Variants in ASCC1 observed in about 807,000 individuals in gnomAD.
ASCC1 encodes ASC-1 complex subunit P50.
In ASCC1, 35 loss-of-function variants were observed where a neutral mutation model predicts 46.6. The observed-to-expected ratio is 0.75, with a 90% confidence interval of 0.57 to 0.99. ASCC1 has a LOEUF of 0.99. ASCC1 is among the 50% of genes least tolerant of loss of function. The probability of loss-of-function intolerance (pLI) is 0.00; values close to 1 mark genes in which losing one functional copy is unlikely to be tolerated. For missense variants in ASCC1, 376 were observed against 428.7 expected, an observed-to-expected ratio of 0.88 and a Z score of 1.09; for synonymous variants, 143 against 146.6, an observed-to-expected ratio of 0.98 and a Z score of 0.18.
intron 7 of ASCC1, 116 bp downstream of exon 7, chr10:72,152,753 A>G: frequency 4.0e-6 from 5 of 1,237,816 alleles, no homozygotes; most frequent in Non-Finnish European, 5.7e-6. Context: ...AGAGAGAAAT[A>G]ATTAACATGT....
chr10:72,144,239 C>T (rs150197263), intron 7 of ASCC1, among the ~76,000 whole-genome samples: 4,947 of 152,028 alleles, frequency 0.033, 219 homozygotes, highest in East Asian at 0.096. Flanking sequence ...CCTCCCAAAG[C>T]GCTGGGATTA....
intron 9 of ASCC1, chr10:72,102,257 A>G: frequency 7.6e-7 from 1 of 1,323,228 alleles, no homozygotes; most frequent in Non-Finnish European, 1.1e-6. Flanking sequence ...CAGTAACAGA[A>G]CATTTTTGAA....
chr10:72,163,077 T>C (rs1849901069), intron 5 of ASCC1, among the ~76,000 whole-genome samples: 1 of 152,032 alleles, frequency 6.6e-6, no homozygotes, highest in Admixed American at 6.6e-5. Context: ...CACTATGAGG[T>C]ACCATTTCAC....
intron 9 of ASCC1, among the ~76,000 whole-genome samples, chr10:72,123,719 A>G (rs1045671453): frequency 5.9e-5 from 9 of 152,228 alleles, no homozygotes; most frequent in African/African-American, 2.2e-4. Context: ...ACTTCAAAAC[A>G]AAATATTCAT....
At chr10:72,161,822 T>A in intron 5 of ASCC1, 148 bp from the exon 6 acceptor site, 1 of 816,020 alleles carries the variant, frequency 1.2e-6, no homozygotes, top group Non-Finnish European at 2.0e-6. Flanking sequence ...GAAAGTCTCC[T>A]CAATAAATGA....
chr10:72,122,128 C>A (rs559108003), intron 9 of ASCC1, among the ~76,000 whole-genome samples: 1 of 152,246 alleles, frequency 6.6e-6, no homozygotes, highest in African/African-American at 2.4e-5. Context: ...GGAAATTAAA[C>A]CACACACTTC....
chr10:72,197,220 C>G (rs185520057), intron 4 of ASCC1, among the ~76,000 whole-genome samples: 1 of 152,016 alleles, frequency 6.6e-6, no homozygotes, highest in Admixed American at 6.6e-5. Flanking sequence ...TCCTGTAATC[C>G]CAGCACTTTG....
intron 5 of ASCC1, among the ~76,000 whole-genome samples, 157 bp downstream of exon 5, chr10:72,196,653 CT>C (rs1198106217): frequency 3.3e-5 from 5 of 151,274 alleles, no homozygotes; most frequent in African/African-American, 2.4e-5. Context: ...TGTCCATACA[CT>C]TTTTTTTTCA....
At chr10:72,190,308 G>A (rs903844457) in intron 5 of ASCC1, 2 of 853,134 alleles carry the variant, frequency 2.3e-6, no homozygotes, top group African/African-American at 3.3e-5. Context: ...TTAGATCTAT[G>A]ACTTAAATAT....
chr10:72,196,609 A>T (rs1053777803), intron 5 of ASCC1, among the ~76,000 whole-genome samples: 1 of 152,036 alleles, frequency 6.6e-6, no homozygotes, highest in Admixed American at 6.6e-5. Flanking sequence ...TTTTAAAGAC[A>T]TTTCTGTAAT....
intron 7 of ASCC1, among the ~76,000 whole-genome samples, chr10:72,147,452 C>T (rs1847780562): frequency 6.6e-6 from 1 of 152,020 alleles, no homozygotes; most frequent in Admixed American, 6.6e-5. Context: ...AAGGTTTCGC[C>T]ATGTTGGCCA....
intron 6 of ASCC1, among the ~76,000 whole-genome samples, chr10:72,154,185 T>C (rs1189107269): frequency 6.6e-6 from 1 of 152,204 alleles, no homozygotes; most frequent in Non-Finnish European, 1.5e-5. Flanking sequence ...AAAGTTCTCC[T>C]TTACAGAAGA....
At chr10:72,131,406 G>A (rs1050713518) in intron 8 of ASCC1, among the ~76,000 whole-genome samples, 10 of 149,826 alleles carry the variant, frequency 6.7e-5, no homozygotes, top group Non-Finnish European at 1.3e-4. Flanking sequence ...GGGCGACAGA[G>A]CAAGACTCCA....
chr10:72,210,476 A>C (rs1047926275), intron 3 of ASCC1, among the ~76,000 whole-genome samples: 1 of 152,236 alleles, frequency 6.6e-6, no homozygotes, highest in Non-Finnish European at 1.5e-5. Flanking sequence ...TCTTTTCTTT[A>C]TAAATTACCC....
Position 72,097,367 on chromosome 10 carries a change from GT to G in ASCC1, c.1040del (p.Asn347ThrfsTer19), listed in dbSNP as rs1841204322. 6.2e-7 allele frequency: 1 copy of G among 1,613,630 alleles called. No homozygotes were observed. Among genetic ancestry groups the G allele is most frequent in the Non-Finnish European group, 8.5e-7 (1 of 1,179,704 alleles). Reference sequence around the variant, plus strand: ...AGTCAATTTGTCCACAGGAAGCGTAGTTTCCAAAGCTGTCTACGGTGAACCT... The same window carrying G: ...AGTCAATTTGTCCACAGGAAGCGTAGTTCCAAAGCTGTCTACGGTGAACCT... ...SQRFTVDSFGNYASCGQIDFS is the reference protein window; with the variant it reads ...SQRFTVDSFGXYASCGQIDFS On this transcript the variant is annotated frameshift_variant, in exon 10 of 10. Transcript: ENST00000672957. LOFTEE classifies it high-confidence loss of function.
chr10:72,198,464 T>C (rs1300677487), intron 4 of ASCC1: 1 of 442,786 alleles, frequency 2.3e-6, no homozygotes, highest in Non-Finnish European at 4.5e-6. Context: ...ATCCCAGCAC[T>C]CTGGGGCAAA....
intron 5 of ASCC1, among the ~76,000 whole-genome samples, chr10:72,192,537 A>C (rs997493130): frequency 1.3e-5 from 2 of 151,950 alleles, no homozygotes; most frequent in African/African-American, 4.8e-5. Context: ...TTTGTCACCC[A>C]TGCTGGAGTG....
rs867033973 is a variant in ASCC1 at position 72,172,720 on chromosome 10, A to G, written c.490-11046T>C. Among the ~76,000 whole-genome samples the G allele has an allele frequency of 5.3e-4, 73 of 137,468 alleles. No individual in the cohort carries two copies. The Middle Eastern group carries it at 0.022, about 42-fold the overall frequency. 90.2% of individuals were successfully genotyped at this position (137,468 alleles called of 152,430 possible). ...ATATAATATATATATTATATATAAT[A>G]TTTTTATATTATATATATTACATAT... On this transcript the variant is annotated intron_variant, in intron 5 of 9. Coordinates refer to ENST00000672957, the MANE Select transcript of ASCC1 (RefSeq NM_001198800.3).
intron 5 of ASCC1, among the ~76,000 whole-genome samples, chr10:72,163,471 ATGCCTGTAATCCC>A (rs1849956160): frequency 1.3e-5 from 2 of 152,318 alleles, no homozygotes; most frequent in South Asian, 4.1e-4. Flanking sequence ...GCGGTGGCTC[ATGCCTGTAATCCC>A]AGCACTTTGG....
Sources: gnomAD v4.1 joint callset for allele counts (sites outside exome capture counted in the v4.1 genomes callset) on GRCh38, gnomAD v4.1.1 for gene constraint, MANE v1.5 for transcripts, NCBI Gene and HGNC (gene_info 2026-07-23, HGNC 2026-07-21) for gene names.